PBX3: variants seen among roughly 807,000 people sequenced by gnomAD.
The protein encoded by PBX3 is pre-B-cell leukemia transcription factor 3.
PBX3 carries 14 observed loss-of-function variants against 48.5 expected under a neutral mutation model. The observed-to-expected ratio is 0.29, with a 90% CI of 0.19 to 0.45. The LOEUF is 0.45. PBX3 is among the 20% of genes least tolerant of loss of function. The probability of loss-of-function intolerance (pLI) is 1.00; values close to 1 mark genes in which losing one functional copy is unlikely to be tolerated. For missense variants in PBX3, 386 were observed against 546.7 expected (o/e 0.71, Z 2.93); for synonymous variants, 210 against 200.3 (o/e 1.05, Z -0.41).
chr9:125,880,237 G>A (rs763434373), intron 2 of PBX3, among the ~76,000 whole-genome samples: 114 of 152,154 alleles, frequency 7.5e-4, no homozygotes, highest in Non-Finnish European at 1.4e-3. Context: ...TAGAGACAGG[G>A]TTTCACCATG....
intron 2 of PBX3, among the ~76,000 whole-genome samples, chr9:125,837,423 C>T (rs1276757576): frequency 6.7e-6 from 1 of 149,582 alleles, no homozygotes; most frequent in Middle Eastern, 3.2e-3. Flanking sequence ...TAAAATATTT[C>T]CAGAAGAATA....
intron 2 of PBX3, among the ~76,000 whole-genome samples, chr9:125,891,366 A>C (rs1200629669): frequency 6.6e-6 from 1 of 152,244 alleles, no homozygotes; most frequent in Non-Finnish European, 1.5e-5. Flanking sequence ...AAATCATTAG[A>C]AGTTGATATC....
At chr9:125,864,707 G>A (rs913853840) in intron 2 of PBX3, among the ~76,000 whole-genome samples, 4 of 152,204 alleles carry the variant, frequency 2.6e-5, no homozygotes, top group East Asian at 3.8e-4. Context: ...GACAGGAAGC[G>A]GAACTCAGGT....
chr9:125,847,200 C>T (rs1045447700), intron 2 of PBX3, among the ~76,000 whole-genome samples: 4 of 151,962 alleles, frequency 2.6e-5, no homozygotes, highest in Non-Finnish European at 5.9e-5. Context: ...TCAATGCTTA[C>T]ATCTATTAGT....
At chr9:125,756,796 C>T (rs977206093) in intron 2 of PBX3, among the ~76,000 whole-genome samples, 2 of 152,130 alleles carry the variant, frequency 1.3e-5, no homozygotes, top group Admixed American at 6.5e-5. Context: ...GATTACATTT[C>T]GCTGTGAAGA....
At chr9:125,911,517 A>G (rs1841202909) in intron 2 of PBX3, among the ~76,000 whole-genome samples, 1 of 152,192 alleles carries the variant, frequency 6.6e-6, no homozygotes, top group African/African-American at 2.4e-5. Context: ...AGAATAACAG[A>G]AAACATTAAT....
intron 2 of PBX3, chr9:125,844,537 G>T (rs1380154323): frequency 6.6e-6 from 1 of 151,976 alleles, no homozygotes; most frequent in Non-Finnish European, 1.5e-5. Context: ...AACCATGAAG[G>T]CATAATGGAA....
chr9:125,750,015 C>T (rs1242848250), intron 2 of PBX3, among the ~76,000 whole-genome samples: 2 of 152,110 alleles, frequency 1.3e-5, no homozygotes, highest in African/African-American at 2.4e-5. Context: ...CTTTAGAAAG[C>T]GTTTTGATTT....
chr9:125,937,263 G>T (rs1049761305), intron 5 of PBX3, among the ~76,000 whole-genome samples: 1 of 151,944 alleles, frequency 6.6e-6, no homozygotes. Context: ...ACACACTTGT[G>T]GAATAAGTGA....
intron 5 of PBX3, among the ~76,000 whole-genome samples, chr9:125,959,588 C>T (rs901920509): frequency 1.3e-5 from 2 of 152,106 alleles, no homozygotes; most frequent in African/African-American, 2.4e-5. Context: ...AAAGGGTGCC[C>T]ACAGTGTAAA....
chr9:125,801,469 G>A (rs1010057089), intron 2 of PBX3, among the ~76,000 whole-genome samples: 1 of 152,078 alleles, frequency 6.6e-6, no homozygotes, highest in East Asian at 1.9e-4. Flanking sequence ...TCAAAAATTA[G>A]CATATGATTT....
intron 2 of PBX3, among the ~76,000 whole-genome samples, chr9:125,887,987 T>C (rs1320887060): frequency 6.6e-6 from 1 of 152,164 alleles, no homozygotes; most frequent in Non-Finnish European, 1.5e-5. Context: ...GAATCAGTTA[T>C]ATCATGTAAA....
intron 2 of PBX3, among the ~76,000 whole-genome samples, chr9:125,792,699 T>TG (rs1177769655): frequency 1.7e-5 from 2 of 119,754 alleles, no homozygotes; most frequent in African/African-American, 3.0e-5. Context: ...GAGGTATACT[T>TG]AATTTTTTTT....
intron 2 of PBX3, among the ~76,000 whole-genome samples, chr9:125,816,012 T>C (rs544997862): frequency 6.6e-6 from 1 of 152,152 alleles, no homozygotes; most frequent in African/African-American, 2.4e-5. Flanking sequence ...CTCTCTCTCT[T>C]TTTGTTTTTT....
intron 2 of PBX3, chr9:125,749,377 C>T (rs1836302966): frequency 6.6e-6 from 1 of 152,316 alleles, no homozygotes; most frequent in Admixed American, 6.5e-5. Flanking sequence ...CAATTCGTTT[C>T]AGTTTAACTT....
intron 2 of PBX3, among the ~76,000 whole-genome samples, chr9:125,762,837 T>C (rs1836705478): frequency 6.6e-6 from 1 of 152,146 alleles, no homozygotes; most frequent in African/African-American, 2.4e-5. Flanking sequence ...ATCAACAATA[T>C]TGTGAAAGAG....
chr9:125,835,428 C>A (rs574647683), intron 2 of PBX3, among the ~76,000 whole-genome samples: 2 of 152,072 alleles, frequency 1.3e-5, no homozygotes, highest in Admixed American at 1.3e-4. Context: ...AACAAAGAGA[C>A]CACCTACAGA....
intron 2 of PBX3, among the ~76,000 whole-genome samples, chr9:125,889,907 C>T (rs1324093914): frequency 1.3e-5 from 2 of 149,548 alleles, no homozygotes; most frequent in Non-Finnish European, 3.0e-5. Flanking sequence ...GCCCCGAAAG[C>T]CGCGGGGCAG....
At chr9:125,748,915 C>T in intron 2 of PBX3, 1 of 301,254 alleles carries the variant, frequency 3.3e-6, no homozygotes. Flanking sequence ...CCGCCCTCTT[C>T]CCTCTCCTTT....
Sources: allele counts gnomAD v4.1 joint callset (sites outside exome capture counted in the v4.1 genomes callset), GRCh38; gene constraint gnomAD v4.1.1; transcripts MANE v1.5; gene names NCBI Gene and HGNC (gene_info 2026-07-23, HGNC 2026-07-21).